Variants in TUNAR observed in about 807,000 individuals in gnomAD.
TUNAR encodes transmembrane neural differentiation associated intracellular calcium regulator, also known as protein TUNAR.
chr14:95,879,037 G>A (rs141703160), intron 2 of TUNAR, among the ~76,000 whole-genome samples: 100 of 152,152 alleles, frequency 6.6e-4, no homozygotes, highest in African/African-American at 2.3e-3. Flanking sequence ...GTATATTAGC[G>A]ATGCGTGGAG....
intron 2 of TUNAR, among the ~76,000 whole-genome samples, chr14:95,893,579 C>A (rs1889213181): frequency 3.9e-5 from 6 of 152,070 alleles, no homozygotes; most frequent in Admixed American, 3.9e-4. Context: ...CCCCCCACCC[C>A]ACTCCCCATC....
chr14:95,894,889 A>G (rs1889237283), intron 2 of TUNAR, among the ~76,000 whole-genome samples: 1 of 152,234 alleles, frequency 6.6e-6, no homozygotes, highest in South Asian at 2.1e-4. Context: ...GTCCTCAGCC[A>G]CAGGTGGCTT....
At chr14:95,925,548 A>G (rs1379020127) in exon 3 of TUNAR, 1 of 152,188 alleles carries the variant, frequency 6.6e-6, no homozygotes, top group Non-Finnish European at 1.5e-5. Flanking sequence ...AGAATAAACA[A>G]TAAAGGTGCA....
chr14:95,881,080 A>T (rs1002778013), intron 2 of TUNAR, among the ~76,000 whole-genome samples: 3 of 152,222 alleles, frequency 2.0e-5, no homozygotes, highest in African/African-American at 7.2e-5. Context: ...TCTGTCTGGC[A>T]ACCAAATTGT....
intron 2 of TUNAR, among the ~76,000 whole-genome samples, chr14:95,894,530 G>A (rs1437596730): frequency 6.6e-6 from 1 of 152,106 alleles, no homozygotes; most frequent in Non-Finnish European, 1.5e-5. Context: ...TGTGGTTTGC[G>A]GGGCCCCTGG....
chr14:95,902,678 G>T (rs75622971), intron 2 of TUNAR, among the ~76,000 whole-genome samples: 3,587 of 152,238 alleles, frequency 0.024, 128 homozygotes, highest in African/African-American at 0.081. Flanking sequence ...GGGATGGGGT[G>T]GGGGAGCCTG....
intron 2 of TUNAR, among the ~76,000 whole-genome samples, chr14:95,878,177 C>T (rs2139648993): frequency 6.6e-6 from 1 of 152,348 alleles, no homozygotes; most frequent in Non-Finnish European, 1.5e-5. Context: ...AACTTCTGAG[C>T]CCCAAACACT....
chr14:95,913,080 C>T lies in TUNAR; in HGVS notation c.13-9701C>T, dbSNP rs139231587. Among the ~76,000 whole-genome samples the T allele has an allele frequency of 6.1e-3, 894 of 147,608 alleles. 14 individuals carry two copies. The highest frequency in any genetic ancestry group is 0.022 in the African/African-American group (860 of 38,370). ...TGCTGGGATTACAGGCATGAGCCACCGCGCCTAGCCGGGCATCTTTTTTTT... is the reference window on the plus strand; with the variant it reads ...TGCTGGGATTACAGGCATGAGCCACTGCGCCTAGCCGGGCATCTTTTTTTT... On this transcript the variant is annotated intron_variant, in intron 2 of 2. Coordinates refer to ENST00000678517, the Ensembl canonical transcript of TUNAR.
intron 2 of TUNAR, among the ~76,000 whole-genome samples, chr14:95,914,474 G>A (rs1241887804): frequency 6.6e-6 from 1 of 152,174 alleles, no homozygotes; most frequent in African/African-American, 2.4e-5. Flanking sequence ...AGGAGGGAGA[G>A]GACAAACCTG....
intron 2 of TUNAR, among the ~76,000 whole-genome samples, chr14:95,914,830 C>T (rs1034616250): frequency 3.3e-5 from 5 of 152,214 alleles, no homozygotes; most frequent in Admixed American, 2.0e-4. Context: ...GCCCCAGTCA[C>T]ATAGCTGATA....
chr14:95,901,123 A>G (rs1889346486), intron 2 of TUNAR, among the ~76,000 whole-genome samples: 1 of 152,190 alleles, frequency 6.6e-6, no homozygotes, highest in Admixed American at 6.5e-5. Flanking sequence ...CAGCTTCAGA[A>G]GGTGTGTGTT....
intron 2 of TUNAR, among the ~76,000 whole-genome samples, chr14:95,883,157 A>C (rs1275706824): frequency 6.6e-6 from 1 of 152,202 alleles, no homozygotes; most frequent in Non-Finnish European, 1.5e-5. Context: ...GGAAAAATAC[A>C]CCCGACTTCT....
At position 95,888,616 on chromosome 14, in the gene TUNAR, C is replaced by T. The variant is rs565671069; in HGVS notation, c.12+11439C>T. 1.2e-3 allele frequency among the ~76,000 whole-genome samples: 185 copies of T among 152,214 alleles called. 3 individuals carry two copies. Among genetic ancestry groups the T allele is most frequent in the South Asian group, 0.012 (58 of 4,814 alleles). The stretch of plus-strand genomic sequence containing the variant: ...ACTCTCCATCGCTCTGTGGACGCTC[C>T]GTGTGGCTGGGTAGCCATACTGCCT... On this transcript the variant is annotated intron_variant, in intron 2 of 2. Transcript: ENST00000678517.
intron 2 of TUNAR, among the ~76,000 whole-genome samples, chr14:95,904,750 G>A (rs1889404448): frequency 6.6e-6 from 1 of 152,238 alleles, no homozygotes; most frequent in African/African-American, 2.4e-5. Flanking sequence ...AACCAAGGCA[G>A]GTAAGGTCTG....
At chr14:95,902,316 C>T (rs993365844) in intron 2 of TUNAR, among the ~76,000 whole-genome samples, 1 of 152,094 alleles carries the variant, frequency 6.6e-6, no homozygotes, top group Non-Finnish European at 1.5e-5. Context: ...CAGAAGGATG[C>T]TATTTCCAGG....
At chr14:95,902,837 T>C (rs1889377750) in intron 2 of TUNAR, among the ~76,000 whole-genome samples, 1 of 152,230 alleles carries the variant, frequency 6.6e-6, no homozygotes, top group Non-Finnish European at 1.5e-5. Flanking sequence ...TCAACTTGTA[T>C]TTCTGAGCCT....
chr14:95,913,453 T>G (rs1463802716), intron 2 of TUNAR, among the ~76,000 whole-genome samples: 1 of 152,200 alleles, frequency 6.6e-6, no homozygotes, highest in Non-Finnish European at 1.5e-5. Context: ...TTGCTGAGAA[T>G]GGTCACCATC....
At chr14:95,886,034 A>G (rs892742195) in intron 2 of TUNAR, among the ~76,000 whole-genome samples, 1 of 152,214 alleles carries the variant, frequency 6.6e-6, no homozygotes, top group Admixed American at 6.5e-5. Context: ...ATTGCTGCCC[A>G]GCCATCGTGG....
intron 2 of TUNAR, among the ~76,000 whole-genome samples, chr14:95,913,099 T>TC (rs57458056): frequency 1.7e-3 from 251 of 149,136 alleles, no homozygotes; most frequent in African/African-American, 5.9e-3. Flanking sequence ...CCGGGCATCT[T>TC]TTTTTTTTTA....
Sources: allele counts gnomAD v4.1 joint callset (sites outside exome capture counted in the v4.1 genomes callset), GRCh38; gene constraint gnomAD v4.1.1; transcripts MANE v1.5; gene names NCBI Gene and HGNC (gene_info 2026-07-23, HGNC 2026-07-21).